The following NDE1 variants were observed in gnomAD, a reference collection of about 807,000 sequenced individuals.
NDE1 encodes the protein nuclear distribution protein nudE homolog 1.
A neutral mutation model predicts 43.4 loss-of-function variants in NDE1; 28 were observed. That is an observed-to-expected ratio of 0.65 (90% CI 0.48 to 0.89). NDE1 has a LOEUF of 0.89. Ranked by LOEUF, NDE1 falls within the 40% of genes least tolerant of loss-of-function variation. The pLI, the probability that NDE1 is intolerant of heterozygous loss-of-function variation, is 0.00. For missense variants in NDE1, 441 were observed against 434.1 expected (o/e 1.02, Z -0.14); for synonymous variants, 184 against 172.0 (o/e 1.07, Z -0.55).
chr16:15,719,733 G>C lies in NDE1; in HGVS notation c.948-4458G>C, dbSNP rs1326940710. 7 of 1,613,902 alleles carry C rather than the reference G, an allele frequency of 4.3e-6. No individual in the cohort carries two copies. The African/African-American group carries it at 6.7e-5, about 15-fold the overall frequency. ...CTGAGCCTGCATGAGTCAACAGGGA[G>C]GACAAGCTCAGATGTCCTTACTCCC... On this transcript the variant is annotated intron_variant, in intron 8 of 8. Coordinates refer to ENST00000396354, the MANE Select transcript of NDE1 (RefSeq NM_017668.3).
At chr16:15,681,149 C>T (rs1398717589) in intron 4 of NDE1, among the ~76,000 whole-genome samples, 3 of 134,670 alleles carry the variant, frequency 2.2e-5, no homozygotes, top group African/African-American at 5.6e-5. Context: ...ATTCCTTAGT[C>T]TGCAATGAAT....
chr16:15,696,560 C>A, intron 7 of NDE1, 149 bp from the exon 8 acceptor site: 1 of 1,419,014 alleles, frequency 7.0e-7, no homozygotes, highest in Non-Finnish European at 9.6e-7. Context: ...CTGGCATATA[C>A]GTTGGATTCC....
At chr16:15,656,171 T>C (rs1431871459) in intron 1 of NDE1, among the ~76,000 whole-genome samples, 1 of 151,922 alleles carries the variant, frequency 6.6e-6, no homozygotes, top group African/African-American at 2.4e-5. Context: ...TGTTTTATGA[T>C]AAAGTGAAGT....
At chr16:15,693,713 G>A (rs2038868585) in intron 6 of NDE1, among the ~76,000 whole-genome samples, 1 of 152,148 alleles carries the variant, frequency 6.6e-6, no homozygotes, top group African/African-American at 2.4e-5. Flanking sequence ...GCCAAGGCGG[G>A]CAGATCATTT....
Position 15,691,079 on chromosome 16 carries a change from A to G in NDE1, c.524-65A>G. Reference sequence around the variant, plus strand: ...TGCCTTGGCCTCCCAAAGTGCTGGCATTATAAACATGAGCCACTGCGCCTG... The same window carrying G: ...TGCCTTGGCCTCCCAAAGTGCTGGCGTTATAAACATGAGCCACTGCGCCTG... On this transcript the variant is annotated intron_variant, in intron 5 of 8. Coordinates refer to ENST00000396354, the MANE Select transcript of NDE1 (RefSeq NM_017668.3). The G allele has an allele frequency of 2.5e-6, 4 of 1,605,640 alleles. No individual in the cohort carries two copies. The Admixed American group carries it at 5.0e-5, about 20-fold the overall frequency.
At chr16:15,711,124 T>G (rs1168312984) in intron 8 of NDE1, 1 of 152,136 alleles carries the variant, frequency 6.6e-6, no homozygotes, top group Non-Finnish European at 1.5e-5. Flanking sequence ...ATGCAGCGAG[T>G]GGGGCTTTTC....
upstream of NDE1, among the ~76,000 whole-genome samples, chr16:15,648,763 G>T (rs908991042): frequency 6.6e-6 from 1 of 151,506 alleles, no homozygotes. Flanking sequence ...AGCCGAGATC[G>T]CACCATTGCA....
chr16:15,650,220 G>C (rs2036424352), upstream of NDE1: 1 of 185,820 alleles, frequency 5.4e-6, no homozygotes, highest in Non-Finnish European at 1.1e-5. Flanking sequence ...GCGGGGTCCG[G>C]AGGGCCGGGG....
At chr16:15,706,779 C>A (rs548468013) in intron 8 of NDE1, among the ~76,000 whole-genome samples, 2 of 152,234 alleles carry the variant, frequency 1.3e-5, no homozygotes, top group East Asian at 3.9e-4. Flanking sequence ...TAGGCACTCT[C>A]TTTTTGGCTC....
chr16:15,703,091 C>A, intron 8 of NDE1: 1 of 178,418 alleles, frequency 5.6e-6, no homozygotes, highest in Non-Finnish European at 1.2e-5. Flanking sequence ...TTCCCCAACT[C>A]CTTTTCCTCT....
intron 8 of NDE1, chr16:15,714,779 C>T (rs1219552208): frequency 1.7e-6 from 2 of 1,175,628 alleles, no homozygotes; most frequent in Non-Finnish European, 2.5e-6. Context: ...TAAGGAGAAG[C>T]AGGAATAAAC....
At chr16:15,654,291 A>G (rs2036645636) in intron 1 of NDE1, among the ~76,000 whole-genome samples, 1 of 151,980 alleles carries the variant, frequency 6.6e-6, no homozygotes, top group Admixed American at 6.6e-5. Context: ...CTTGCCTATT[A>G]CAGTGCCTTT....
rs1194565114 is a variant in NDE1 at position 15,688,689 on chromosome 16, CTTTTTTTTTT to C, written c.523+1196_523+1205del. 6.5e-4 allele frequency among the ~76,000 whole-genome samples: 39 copies of C among 59,996 alleles called. 1 individual carries two copies. The highest frequency in any genetic ancestry group is 5.4e-3 in the South Asian group (7 of 1,294). 39.4% of individuals were successfully genotyped at this position (59,996 alleles called of 152,430 possible). A position where few individuals can be genotyped will look rare whatever the true frequency, so the allele number is the denominator to read the frequency against. ...AGTGGATTGTCCAAGTTGTTTTTACCTTTTTTTTTTTTTTTTTTTTTTTTTTTGAGATGGC... is the reference window on the plus strand; with the variant it reads ...AGTGGATTGTCCAAGTTGTTTTTACCTTTTTTTTTTTTTTTTTGAGATGGC... On this transcript the variant is annotated intron_variant, in intron 5 of 8. Transcript: ENST00000396354.
intron 7 of NDE1, among the ~76,000 whole-genome samples, 167 bp from the exon 8 acceptor site, chr16:15,696,542 T>G (rs2039022316): frequency 6.6e-6 from 1 of 152,092 alleles, no homozygotes; most frequent in East Asian, 1.9e-4. Flanking sequence ...AGGTGCTTGG[T>G]TCTGAGACTG....
At chr16:15,699,753 G>A in intron 8 of NDE1, 1 of 1,351,462 alleles carries the variant, frequency 7.4e-7, no homozygotes, top group Non-Finnish European at 9.8e-7. Context: ...TGGAATTTGG[G>A]AAGCCGCCTT....
intron 8 of NDE1, among the ~76,000 whole-genome samples, chr16:15,698,345 C>A (rs1245820117): frequency 6.6e-6 from 1 of 151,182 alleles, no homozygotes; most frequent in Non-Finnish European, 1.5e-5. Context: ...CGCAGTGAGC[C>A]GTGTTCCCAG....
At chr16:15,670,003 A>T (rs2037511605) in intron 3 of NDE1, among the ~76,000 whole-genome samples, 1 of 152,084 alleles carries the variant, frequency 6.6e-6, no homozygotes, top group Non-Finnish European at 1.5e-5. Flanking sequence ...TGCCCCAGAG[A>T]CTGGCTCTCA....
chr16:15,709,016 C>T (rs931389393), intron 8 of NDE1, among the ~76,000 whole-genome samples: 45 of 151,884 alleles, frequency 3.0e-4, no homozygotes, highest in African/African-American at 1.1e-3. Flanking sequence ...GATCTTGGCT[C>T]ACTGCAACCT....
At chr16:15,719,085 G>A in intron 8 of NDE1, 1 of 832,952 alleles carries the variant, frequency 1.2e-6, no homozygotes, top group South Asian at 1.5e-5. Flanking sequence ...CCAAGATTGT[G>A]CCACTGCCCT....
Sources: gnomAD v4.1 joint callset for allele counts (sites outside exome capture counted in the v4.1 genomes callset) on GRCh38, gnomAD v4.1.1 for gene constraint, MANE v1.5 for transcripts, NCBI Gene and HGNC (gene_info 2026-07-23, HGNC 2026-07-21) for gene names.